The following RASSF4 variants were observed in gnomAD, a reference collection of about 807,000 sequenced individuals.
RASSF4 encodes Ras association domain family member 4.
RASSF4 carries 38 observed loss-of-function variants against 41.1 expected under a neutral mutation model. The ratio of observed to expected loss-of-function variants is 0.92; its 90% CI spans 0.71 to 1.21. RASSF4 has a LOEUF of 1.21. Ranked by LOEUF, RASSF4 falls within the 50% of genes most tolerant of loss-of-function variation. The probability of loss-of-function intolerance (pLI) is 0.00; values close to 1 mark genes in which losing one functional copy is unlikely to be tolerated. For synonymous variants in RASSF4, 179 were observed against 163.4 expected (o/e 1.10, Z -0.73); for missense variants, 414 against 419.4 (o/e 0.99, Z 0.11).
intron 3 of RASSF4, chr10:44,976,216 G>T (rs562241898): frequency 6.6e-6 from 1 of 152,356 alleles, no homozygotes; most frequent in Non-Finnish European, 1.5e-5. Flanking sequence ...AGGGTGTGAA[G>T]AACATTGCTG....
chr10:44,974,282 C>T (rs1043804210), intron 3 of RASSF4, among the ~76,000 whole-genome samples: 3 of 152,370 alleles, frequency 2.0e-5, no homozygotes, highest in African/African-American at 4.8e-5. Flanking sequence ...CCCAGAGAAC[C>T]TCCAATGCAC....
At chr10:44,966,757 C>A (rs1360256082) in intron 1 of RASSF4, among the ~76,000 whole-genome samples, 1 of 152,098 alleles carries the variant, frequency 6.6e-6, no homozygotes, top group Non-Finnish European at 1.5e-5. Context: ...AAACCTAGGT[C>A]GAATCCAGCA....
intron 3 of RASSF4, 27 bp from the exon 4 acceptor site, chr10:44,982,494 G>T: frequency 6.2e-7 from 1 of 1,606,540 alleles, no homozygotes; most frequent in Non-Finnish European, 8.5e-7. Flanking sequence ...TGCTCTGGGG[G>T]AAGGGCTGAT....
chr10:44,967,515 G>A lies in RASSF4; in HGVS notation c.-38-2650G>A, dbSNP rs186944114. Among the ~76,000 whole-genome samples, 963 of 152,298 alleles carry A rather than the reference G, an allele frequency of 6.3e-3. 7 individuals are homozygous for A. The highest frequency in any genetic ancestry group is 0.012 in the Admixed American group (184 of 15,302). On this transcript the variant is annotated intron_variant, in intron 1 of 10. Transcript: ENST00000340258. The stretch of plus-strand genomic sequence containing the variant: ...TATGAAACGCCAAAAGAGTTGCCCC[G>A]TCGAAGAAGGAATGTGCCCCCCATT...
chr10:44,979,490 T>G (rs927667763), intron 3 of RASSF4, among the ~76,000 whole-genome samples: 4 of 152,194 alleles, frequency 2.6e-5, no homozygotes, highest in African/African-American at 9.7e-5. Flanking sequence ...GTGCTGTGAT[T>G]CAGGCAACAG....
chr10:44,990,631 G>A (rs1357780009), intron 8 of RASSF4: 1 of 192,864 alleles, frequency 5.2e-6, no homozygotes, highest in East Asian at 1.3e-4. Context: ...TGCCTAGAGA[G>A]GGACGGGGGC....
intron 10 of RASSF4, 24 bp from the exon 11 acceptor site, chr10:44,993,245 C>T (rs372030821): frequency 1.4e-4 from 231 of 1,608,542 alleles, no homozygotes; most frequent in Non-Finnish European, 1.7e-4. Flanking sequence ...CTCAGTGAGT[C>T]CTCTTGGCGA....
At chr10:44,985,010 A>T in intron 6 of RASSF4, 40 bp downstream of exon 6, 1 of 1,588,902 alleles carries the variant, frequency 6.3e-7, no homozygotes, top group Non-Finnish European at 8.6e-7. Flanking sequence ...GCGCATGGGG[A>T]GCCAGGCCTG....
chr10:44,990,723 G>T (rs1217412826), intron 8 of RASSF4: 2 of 404,666 alleles, frequency 4.9e-6, no homozygotes. Context: ...CTTCTCAATT[G>T]CCAGCCGCTC....
rs1588857001 is a variant in RASSF4 at position 44,995,112 on chromosome 10, A to C, written c.*1783A>C. The C allele has an allele frequency of 6.6e-6, 1 of 152,038 alleles. No homozygotes were observed. Among genetic ancestry groups the C allele is most frequent in the Non-Finnish European group, 1.5e-5 (1 of 68,016 alleles). 9.4% of individuals were successfully genotyped at this position (152,038 alleles called of 1,614,324 possible). A position where few individuals can be genotyped will look rare whatever the true frequency, so the allele number is the denominator to read the frequency against. On this transcript the variant is annotated 3_prime_UTR_variant, in exon 11 of 11. Coordinates refer to ENST00000340258, the MANE Select transcript of RASSF4 (RefSeq NM_032023.4). ...CAAACAGGAGCTCCCAGGTAATTGT[A>C]CTCCCAAGCTATTATTTACAATCTC...
At chr10:44,978,141 G>T in intron 3 of RASSF4, 1 of 1,302,064 alleles carries the variant, frequency 7.7e-7, no homozygotes, top group Non-Finnish European at 1.1e-6. Context: ...GGGGCTGCCT[G>T]TAGGAATCCG....
At chr10:44,971,983 T>C (rs919856705) in intron 3 of RASSF4, 135 bp downstream of exon 3, 4 of 632,348 alleles carry the variant, frequency 6.3e-6, no homozygotes, top group Non-Finnish European at 8.3e-6. Context: ...ATAAGTTATA[T>C]GGTCACTCTC....
In RASSF4 at chr10:44,989,693, C is replaced by T. The variant is rs192302639; in HGVS notation, c.657C>T (p.Phe219=). Residue 219 remains phenylalanine (F), a synonymous_variant, in exon 8 of 11, where the codon TTC becomes TTT. Coordinates refer to ENST00000340258, the MANE Select transcript of RASSF4 (RefSeq NM_032023.4). ...AGGTGGAAGATGGCCCCAGTGAGTTCGCACTCTACATCGTTCACGAGTCTG... is the reference window on the plus strand; with the variant it reads ...AGGTGGAAGATGGCCCCAGTGAGTTTGCACTCTACATCGTTCACGAGTCTG... The part of the protein sequence containing the change: ...KFRVEDGPSE[F]ALYIVHESGE... The T allele has an allele frequency of 4.3e-5, 69 of 1,614,178 alleles. No individual in the cohort carries two copies. In the Admixed American group the frequency reaches 5.7e-4, roughly 13 times the overall value.
chr10:44,977,164 T>G, intron 3 of RASSF4: 1 of 485,866 alleles, frequency 2.1e-6, no homozygotes, highest in Non-Finnish European at 3.5e-6. Flanking sequence ...CTCAAGGTGA[T>G]CAGCCAGCAA....
At chr10:44,987,300 T>C (rs1411808077) in intron 6 of RASSF4, among the ~76,000 whole-genome samples, 1 of 152,112 alleles carries the variant, frequency 6.6e-6, no homozygotes. Flanking sequence ...GGTTTCACCA[T>C]ATTGGCCAGA....
rs774983041 is a variant in RASSF4 at position 44,990,999 on chromosome 10, A to G, written c.737A>G (p.His246Arg). The G allele has an allele frequency of 1.1e-5, 17 of 1,613,764 alleles. No homozygotes were observed. The highest frequency in any genetic ancestry group is 1.4e-5 in the Non-Finnish European group (17 of 1,179,794). The change falls in exon 9 of 11, where the codon CAT (histidine) becomes CGT (arginine). Residue 246 changes from histidine (H) to arginine (R), a missense_variant. His to Arg is a conservative substitution (Grantham distance 29, BLOSUM62 0). Transcript: ENST00000340258. Reference sequence around the variant, plus strand: ...TACCCGCTGATTTCCAGAATCCTGCATGGGCCATGTGAGAAGATCGCCAGG... The same window carrying G: ...TACCCGCTGATTTCCAGAATCCTGCGTGGGCCATGTGAGAAGATCGCCAGG... ...CEYPLISRILHGPCEKIARIF... is the reference protein window; with the variant it reads ...CEYPLISRILRGPCEKIARIF...
At chr10:44,982,383 T>C in intron 3 of RASSF4, 138 bp from the exon 4 acceptor site, 1 of 1,038,162 alleles carries the variant, frequency 9.6e-7, no homozygotes, top group Non-Finnish European at 1.5e-6. Context: ...TAGTGGCTGA[T>C]GGTCCTTCCT....
intron 3 of RASSF4, among the ~76,000 whole-genome samples, chr10:44,972,993 G>T (rs1032543985): frequency 2.0e-5 from 3 of 152,224 alleles, no homozygotes; most frequent in Admixed American, 6.5e-5. Context: ...AGCCCCTGAG[G>T]CGTCCCCTCG....
At position 44,961,416 on chromosome 10, in the gene RASSF4, G is replaced by A. The variant is rs191920267; in HGVS notation, c.-39+1550G>A. Among the ~76,000 whole-genome samples the A allele has an allele frequency of 8.5e-5, 13 of 152,326 alleles. No homozygotes were observed. The East Asian group carries it at 2.5e-3, about 29-fold the overall frequency. On this transcript the variant is annotated intron_variant, in intron 1 of 10. Coordinates refer to ENST00000340258, the MANE Select transcript of RASSF4 (RefSeq NM_032023.4). ...GTGTGTCAGAGTTCAGATTCTGGAC[G>A]TGCAAAGCCTCAAAGGGGAGACCTA...
Sources: allele counts gnomAD v4.1 joint callset (sites outside exome capture counted in the v4.1 genomes callset), GRCh38; gene constraint gnomAD v4.1.1; transcripts MANE v1.5; gene names NCBI Gene and HGNC (gene_info 2026-07-23, HGNC 2026-07-21).